The following ZNRF3 variants were observed in gnomAD, a reference collection of about 807,000 sequenced individuals.
The protein encoded by ZNRF3 is zinc and ring finger 3.
Under a neutral mutation model 72.5 loss-of-function variants are expected in ZNRF3, and 23 were observed. That is an observed-to-expected ratio of 0.32 (90% confidence interval 0.23 to 0.45). ZNRF3 has a LOEUF of 0.45. Among genes scored for constraint, ZNRF3 ranks in the 20% least tolerant of loss-of-function variants. The pLI, the probability that ZNRF3 is intolerant of heterozygous loss-of-function variation, is 1.00. For synonymous variants in ZNRF3, 610 were observed against 545.3 expected (o/e 1.12, Z -1.65); for missense variants, 1,169 against 1,272.1 (o/e 0.92, Z 1.23).
At chr22:28,905,330 A>G (rs1190517130) in intron 1 of ZNRF3, among the ~76,000 whole-genome samples, 1 of 152,166 alleles carries the variant, frequency 6.6e-6, no homozygotes, top group Non-Finnish European at 1.5e-5. Context: ...TATGATTTAC[A>G]GTGTATGTTT....
At chr22:28,912,352 A>G (rs1409589511) in intron 1 of ZNRF3, among the ~76,000 whole-genome samples, 2 of 152,178 alleles carry the variant, frequency 1.3e-5, no homozygotes, top group Non-Finnish European at 2.9e-5. Context: ...GGCTTCTCAT[A>G]GTATCAGCTC....
chr22:29,044,176 G>A (rs917124510), intron 4 of ZNRF3, among the ~76,000 whole-genome samples: 1 of 152,174 alleles, frequency 6.6e-6, no homozygotes, highest in African/African-American at 2.4e-5. Flanking sequence ...ATTCCCATTG[G>A]CCAAATGGAG....
At chr22:28,977,993 C>G (rs754384039) in intron 1 of ZNRF3, among the ~76,000 whole-genome samples, 1 of 152,170 alleles carries the variant, frequency 6.6e-6, no homozygotes, top group Non-Finnish European at 1.5e-5. Flanking sequence ...CTTTTGGCTT[C>G]GAAGTTCCCC....
chr22:28,988,865 G>A (rs1297108396), intron 2 of ZNRF3, among the ~76,000 whole-genome samples: 1 of 152,154 alleles, frequency 6.6e-6, no homozygotes. Flanking sequence ...CTATAAATGG[G>A]TTGGAACAGG....
rs61589852 is a variant in ZNRF3 at position 28,982,433 on chromosome 22, CAAAAAA to C, written c.301-4625_301-4620del. Among the ~76,000 whole-genome samples, 155 of 76,476 alleles carry C rather than the reference CAAAAAA, an allele frequency of 2.0e-3. 3 individuals carry two copies. Among genetic ancestry groups the C allele is most frequent in the Middle Eastern group, 6.8e-3 (1 of 146 alleles). The allele number at this position is 76,476 out of a possible 152,430, so 50.2% of individuals were successfully genotyped here. On this transcript the variant is annotated intron_variant, in intron 1 of 8. Coordinates refer to ENST00000544604, the MANE Select transcript of ZNRF3 (RefSeq NM_001206998.2). ...GGCGACATTGTGAGACCTGTCTCTA[CAAAAAA>C]AAAAAAAAAAAAAAAAAGTCAATAA...
rs1338119781 is a variant in ZNRF3, at chr22:29,049,736, T to C, written c.1555T>C (p.Ser519Pro). 1.9e-6 allele frequency: 3 copies of C among 1,597,108 alleles called. No homozygotes were observed. In the African/African-American group the frequency reaches 4.0e-5, roughly 21 times the overall value. Reference protein sequence around the residue: ...FPTVVHVAPPSHLESGSTSSF... With the variant: ...FPTVVHVAPPPHLESGSTSSF... ...CACCGTGGTGCACGTGGCCCCGCCCTCCCACCTGGAGAGCGGCAGCACGTC... is the reference window on the plus strand; with the variant it reads ...CACCGTGGTGCACGTGGCCCCGCCCCCCCACCTGGAGAGCGGCAGCACGTC... Residue 519 changes from serine (S) to proline (P), a missense_variant, in exon 8 of 9, where the codon TCC (serine) becomes CCC (proline). Physicochemically the swap from Ser to Pro is moderately conservative, Grantham distance 74 (BLOSUM62 -1). This residue lies in a region of ZNRF3 where 783 missense variants were observed against 731.4 expected (regional missense o/e 1.07). Coordinates refer to ENST00000544604, the MANE Select transcript of ZNRF3 (RefSeq NM_001206998.2). The surrounding 1 kb of genome is among the most constrained non-coding windows in gnomAD (Gnocchi z 5.2).
intron 8 of ZNRF3, among the ~76,000 whole-genome samples, chr22:29,051,572 C>T (rs1007658878): frequency 6.7e-6 from 1 of 148,960 alleles, no homozygotes; most frequent in Non-Finnish European, 1.5e-5. Context: ...CTACTGCACT[C>T]CAGCCTGGGT....
Position 28,933,731 on chromosome 22 carries a change from CACA to C in ZNRF3, c.300+49666_300+49668del, listed in dbSNP as rs1295999759. On this transcript the variant is annotated intron_variant, in intron 1 of 8. Transcript: ENST00000544604. ...ACCCCCACCCCCACCCCACCCCCCC[CACA>C]CACACACACACACACTCACTCTCTC... Among the ~76,000 whole-genome samples the C allele has an allele frequency of 5.6e-3, 90 of 16,134 alleles. 2 individuals are homozygous for C. Among genetic ancestry groups the C allele is most frequent in the South Asian group, 0.021 (9 of 424 alleles). 10.6% of individuals were successfully genotyped at this position (16,134 alleles called of 152,430 possible). A position where few individuals can be genotyped will look rare whatever the true frequency, so the allele number is the denominator to read the frequency against.
At chr22:28,947,976 C>G (rs2035083748) in intron 1 of ZNRF3, among the ~76,000 whole-genome samples, 2 of 152,094 alleles carry the variant, frequency 1.3e-5, no homozygotes, top group African/African-American at 4.8e-5. Context: ...TACCAAGTAG[C>G]TGGGACTACA....
At chr22:28,935,383 A>G (rs760972626) in intron 1 of ZNRF3, among the ~76,000 whole-genome samples, 1 of 151,800 alleles carries the variant, frequency 6.6e-6, no homozygotes, top group African/African-American at 2.4e-5. Flanking sequence ...GGTGAAGCCT[A>G]CTCGTTGTCA....
intron 1 of ZNRF3, among the ~76,000 whole-genome samples, chr22:28,930,130 G>T (rs1332053900): frequency 2.6e-5 from 4 of 151,904 alleles, no homozygotes; most frequent in African/African-American, 7.3e-5. Context: ...GTTGCACTTA[G>T]CTCTCAGGTG....
At position 28,974,283 on chromosome 22, in the gene ZNRF3, C is replaced by T. The variant is rs142564914; in HGVS notation, c.301-12793C>T. ...GCTGGAATGCATCTCTTTGACAATG[C>T]ATGTTGCCACTTAATACTGCCATTT... is the stretch of plus-strand genomic sequence containing the variant. On this transcript the variant is annotated intron_variant, in intron 1 of 8. Transcript: ENST00000544604. Among the ~76,000 whole-genome samples, 157 of 152,238 alleles carry T rather than the reference C, an allele frequency of 1.0e-3. 2 individuals are homozygous for T. The East Asian group carries it at 0.02, about 20-fold the overall frequency.
intron 2 of ZNRF3, among the ~76,000 whole-genome samples, chr22:28,999,092 C>T (rs181165422): frequency 2.1e-4 from 31 of 147,964 alleles, no homozygotes; most frequent in African/African-American, 7.3e-4. Context: ...CAGAGGTGGG[C>T]GGATCACTTG....
intron 1 of ZNRF3, among the ~76,000 whole-genome samples, chr22:28,950,853 G>T (rs1210226218): frequency 6.6e-6 from 1 of 152,186 alleles, no homozygotes; most frequent in Non-Finnish European, 1.5e-5. Context: ...ATCTAAAGCC[G>T]TAGCTGGGCC....
At chr22:29,008,962 G>GTGTC (rs1454968510) in intron 2 of ZNRF3, among the ~76,000 whole-genome samples, 3 of 152,110 alleles carry the variant, frequency 2.0e-5, no homozygotes, top group African/African-American at 4.8e-5. Context: ...AATTTAGCTT[G>GTGTC]TGTCTCAAAA....
rs1569295733 is a variant in ZNRF3, at chr22:29,048,298, T to G, written c.913-91T>G. ...AGAGTAGGGAAGGGCACGGGCATGC[T>G]GTGCAGAACTCCTTGGTCTATGCTG... On this transcript the variant is annotated intron_variant, in intron 6 of 8. Coordinates refer to ENST00000544604, the MANE Select transcript of ZNRF3 (RefSeq NM_001206998.2). This position sits in a 1 kb window ranked among gnomAD's most constrained non-coding sequence, Gnocchi z 4.9. 1.0e-6 allele frequency: 1 copy of G among 987,554 alleles called. No individual in the cohort carries two copies. The highest frequency in any genetic ancestry group is 2.5e-5 in the East Asian group (1 of 39,796). The allele number at this position is 987,554 out of a possible 1,614,324, so 61.2% of individuals were successfully genotyped here.
intron 1 of ZNRF3, among the ~76,000 whole-genome samples, chr22:28,888,371 G>A (rs945117786): frequency 2.0e-5 from 3 of 152,056 alleles, no homozygotes; most frequent in African/African-American, 7.2e-5. Context: ...AAATTGACTT[G>A]GTCTAATAGA....
Position 29,049,099 on chromosome 22 carries a change from G to C in ZNRF3, c.1016-98G>C. 1 of 1,368,300 alleles carries C rather than the reference G, an allele frequency of 7.3e-7. No individual in the cohort carries two copies. Among genetic ancestry groups the C allele is most frequent in the Non-Finnish European group, 1.0e-6 (1 of 1,003,116 alleles). The allele number at this position is 1,368,300 out of a possible 1,614,324, so 84.8% of individuals were successfully genotyped here. ...AATGGGTACCTTGGCAGGTGACCAA[G>C]CCTGCTGCTTCAGCCTTTGCCCGTT... On this transcript the variant is annotated intron_variant, in intron 7 of 8. Transcript: ENST00000544604. This position sits in a 1 kb window ranked among gnomAD's most constrained non-coding sequence, Gnocchi z 5.2.
rs372093660 is a variant in ZNRF3 at position 29,053,613 on chromosome 22, G to A, written c.2802G>A (p.Pro934=). The A allele has an allele frequency of 9.3e-6, 15 of 1,613,342 alleles. No homozygotes were observed. Among genetic ancestry groups the A allele is most frequent in the Admixed American group, 5.0e-5 (3 of 59,904 alleles). Residue 934 remains proline, a synonymous_variant, in exon 9 of 9, where the codon CCG becomes CCA. Coordinates refer to ENST00000544604, the MANE Select transcript of ZNRF3 (RefSeq NM_001206998.2). ...PRSHSADSSS[P]GA ...CTCACTCAGCAGACAGCAGCAGCCC[G>A]GGAGCCTGAGCTCAGGAGGAACTCT...
Sources: allele counts gnomAD v4.1 joint callset (sites outside exome capture counted in the v4.1 genomes callset), GRCh38; gene constraint gnomAD v4.1.1; regional missense constraint gnomAD v4.1.1; non-coding constraint Gnocchi (gnomAD v3.1); transcripts MANE v1.5; gene names NCBI Gene and HGNC (gene_info 2026-07-23, HGNC 2026-07-21).